SENP2: variants seen among roughly 807,000 people sequenced by gnomAD.
The protein encoded by SENP2 is sentrin-specific protease 2.
In SENP2, 16 loss-of-function variants were observed where a neutral mutation model predicts 86.3. The ratio of observed to expected loss-of-function variants is 0.19; its 90% CI spans 0.13 to 0.28. The LOEUF is 0.28. Among genes scored for constraint, SENP2 ranks in the 10% least tolerant of loss-of-function variants. The pLI is 1.00. For synonymous variants in SENP2, 222 were observed against 238.7 expected (o/e 0.93, Z 0.64); for missense variants, 552 against 703.0 (o/e 0.79, Z 2.43).
In SENP2 at chr3:185,621,846, G is replaced by C; in HGVS notation, c.1467G>C (p.Lys489Asn). Residue 489 changes from lysine (K) to asparagine (N), a missense_variant, in exon 14 of 17, where the codon AAG (lysine) becomes AAC (asparagine). This residue lies in a region of SENP2 where 169 missense variants were observed against 275.7 expected (regional missense o/e 0.61). Transcript: ENST00000296257. ...TATAGGTGATTGACCTAAGAAAAAA[G>C]TGTCTTAAATATCTGGATTCTATGG... ...WSLVVIDLRK[K>N]CLKYLDSMGQ... 1.2e-6 allele frequency: 2 copies of C among 1,608,240 alleles called. No homozygotes were observed. Among genetic ancestry groups the C allele is most frequent in the Non-Finnish European group, 1.7e-6 (2 of 1,175,322 alleles).
chr3:185,621,938 G>C (rs373638583), intron 14 of SENP2, 33 bp downstream of exon 14: 167 of 1,376,248 alleles, frequency 1.2e-4, no homozygotes, highest in Non-Finnish European at 1.7e-4. Context: ...ACTACCCCCT[G>C]TTGAGGTGAT....
At chr3:185,625,017 TGTA>T (rs1310245766) in intron 15 of SENP2, among the ~76,000 whole-genome samples, 2 of 152,162 alleles carry the variant, frequency 1.3e-5, no homozygotes, top group Non-Finnish European at 2.9e-5. Flanking sequence ...CTTTGTATAT[TGTA>T]GTCTCTAGTT....
intron 2 of SENP2, among the ~76,000 whole-genome samples, chr3:185,593,070 A>G (rs1437207800): frequency 2.3e-4 from 35 of 152,232 alleles, no homozygotes; most frequent in Non-Finnish European, 2.9e-5. Context: ...GTCTCAGTAA[A>G]TGTTTGCGGG....
intron 16 of SENP2, among the ~76,000 whole-genome samples, chr3:185,628,285 T>C (rs1404779702): frequency 6.6e-6 from 1 of 152,054 alleles, no homozygotes; most frequent in Admixed American, 6.5e-5. Context: ...TACAGGCATG[T>C]ACCACCATGC....
At chr3:185,615,895 G>A (rs1244455117) in intron 11 of SENP2, among the ~76,000 whole-genome samples, 2 of 151,168 alleles carry the variant, frequency 1.3e-5, no homozygotes, top group Admixed American at 1.3e-4. Flanking sequence ...ATAGAGTCTC[G>A]CTCTGTTGGC....
chr3:185,605,191 G>C (rs1722472343), intron 5 of SENP2, among the ~76,000 whole-genome samples: 1 of 151,388 alleles, frequency 6.6e-6, no homozygotes, highest in Admixed American at 6.6e-5. Flanking sequence ...CCAACATGGT[G>C]AAACCCCATC....
Position 185,598,985 on chromosome 3 carries a change from C to A in SENP2, c.319C>A (p.Leu107Met), listed in dbSNP as rs751384249. 3 of 1,613,142 alleles carry A rather than the reference C, an allele frequency of 1.9e-6. No individual in the cohort carries two copies. The Admixed American group carries it at 5.0e-5, about 27-fold the overall frequency. The change falls in exon 4 of 17, where the codon CTG (leucine) becomes ATG (methionine). Residue 107 changes from leucine to methionine, a missense_variant. Leu to Met is a conservative substitution (Grantham distance 15, BLOSUM62 2). Around this residue, in one of 2 missense-constraint regions of SENP2, gnomAD observed 383 missense variants for 427.3 expected, o/e 0.90. Coordinates refer to ENST00000296257, the MANE Select transcript of SENP2 (RefSeq NM_021627.3). ...ATTTTCGAACTCTTCATCTTGTGAA[C>A]TGACAGGTTCTGGATCCTGGAACAA... is the stretch of plus-strand genomic sequence containing the variant. ...EVFSNSSSCE[L>M]TGSGSWNNML...
intron 14 of SENP2, among the ~76,000 whole-genome samples, chr3:185,622,791 A>C (rs980065288): frequency 6.6e-6 from 1 of 150,624 alleles, no homozygotes; most frequent in Non-Finnish European, 1.5e-5. Flanking sequence ...CCAGGATTTG[A>C]AAATTCATAC....
At chr3:185,613,832 A>G (rs997604659) in intron 10 of SENP2, among the ~76,000 whole-genome samples, 1 of 151,152 alleles carries the variant, frequency 6.6e-6, no homozygotes, top group Non-Finnish European at 1.5e-5. Context: ...TGTCTCAAAA[A>G]AAAAAAAAAA....
Position 185,586,312 on chromosome 3 carries a change from C to T in SENP2, c.-102C>T. On this transcript the variant is annotated 5_prime_UTR_variant, in exon 1 of 17. Transcript: ENST00000296257. The surrounding 1 kb of genome is among the most constrained non-coding windows in gnomAD (Gnocchi z 4.3). ...ATCGCGTCACAAATCAGCGACCGAA[C>T]TCTGGCGGTGGTGGTTAAGACGGCG... is the stretch of plus-strand genomic sequence containing the variant. 6.4e-7 allele frequency: 1 copy of T among 1,573,446 alleles called. No individual in the cohort carries two copies.
Position 185,617,527 on chromosome 3 carries a change from T to G in SENP2, c.1158T>G (p.Asp386Glu). 2 of 1,613,890 alleles carry G rather than the reference T, an allele frequency of 1.2e-6. No homozygotes were observed. The highest frequency in any genetic ancestry group is 1.1e-5 in the South Asian group (1 of 91,058). The part of the protein sequence containing the change: ...ISNALGHGPQ[D>E]EILSSAFKLR... ...ATGCCCTAGGCCATGGCCCACAGGA[T>G]GAAATCCTAAGTAGTGCTTTCAAAT... The change falls in exon 12 of 17, where the codon GAT becomes GAG. Residue 386 changes from aspartate to glutamate, a missense_variant. By Grantham distance (45) the Asp-to-Glu change is conservative. Coordinates refer to ENST00000296257, the MANE Select transcript of SENP2 (RefSeq NM_021627.3).
Position 185,629,928 on chromosome 3 carries a change from C to A in SENP2, c.*84C>A. On this transcript the variant is annotated 3_prime_UTR_variant, in exon 17 of 17. Transcript: ENST00000296257. ...CCTCATGCATTGTGGGTTAAAAAGT[C>A]CCTGCATCACTTCTGTTCTCACAGG... is the stretch of plus-strand genomic sequence containing the variant. 7.5e-7 allele frequency: 1 copy of A among 1,327,104 alleles called. No homozygotes were observed. The highest frequency in any genetic ancestry group is 1.1e-6 in the Non-Finnish European group (1 of 924,526). The allele number at this position is 1,327,104 out of a possible 1,614,324, so 82.2% of individuals were successfully genotyped here.
intron 1 of SENP2, among the ~76,000 whole-genome samples, chr3:185,587,135 T>G (rs1721810391): frequency 6.6e-6 from 1 of 152,226 alleles, no homozygotes; most frequent in South Asian, 2.1e-4. Context: ...TTTCTTTTTT[T>G]CTTTTTCTTT....
intron 2 of SENP2, among the ~76,000 whole-genome samples, chr3:185,592,573 G>C (rs1408924028): frequency 6.6e-6 from 1 of 151,276 alleles, no homozygotes; most frequent in Non-Finnish European, 1.5e-5. Flanking sequence ...GCTAACCAAT[G>C]TGTTAGGTTT....
intron 4 of SENP2, among the ~76,000 whole-genome samples, chr3:185,599,273 T>TA (rs923355803): frequency 1.5e-4 from 22 of 151,434 alleles, no homozygotes; most frequent in Admixed American, 4.0e-4. Flanking sequence ...TTCATTCATT[T>TA]AAAAAAAAAC....
intron 16 of SENP2, among the ~76,000 whole-genome samples, chr3:185,629,130 A>C (rs942277976): frequency 2.0e-5 from 3 of 152,220 alleles, no homozygotes; most frequent in Admixed American, 1.3e-4. Flanking sequence ...TCATAAAAAA[A>C]CAGAATATGT....
At chr3:185,589,031 TA>T (rs985500609) in intron 1 of SENP2, among the ~76,000 whole-genome samples, 1 of 152,100 alleles carries the variant, frequency 6.6e-6, no homozygotes, top group African/African-American at 2.4e-5. Context: ...TTGGAATGTA[TA>T]AAGTTATGAG....
At chr3:185,599,160 A>G (rs972617053) in intron 4 of SENP2, 136 bp downstream of exon 4, 1 of 629,040 alleles carries the variant, frequency 1.6e-6, no homozygotes, top group Non-Finnish European at 2.8e-6. Flanking sequence ...TCTAAAAAGC[A>G]AATAGCTTTT....
chr3:185,624,628 C>A (rs1712056604), intron 15 of SENP2, among the ~76,000 whole-genome samples: 2 of 152,116 alleles, frequency 1.3e-5, no homozygotes, highest in East Asian at 1.9e-4. Context: ...GTAATCCCAG[C>A]ACTTTGGGAG....
Sources: allele counts gnomAD v4.1 joint callset (sites outside exome capture counted in the v4.1 genomes callset), GRCh38; gene constraint gnomAD v4.1.1; regional missense constraint gnomAD v4.1.1; non-coding constraint Gnocchi (gnomAD v3.1); transcripts MANE v1.5; gene names NCBI Gene and HGNC (gene_info 2026-07-23, HGNC 2026-07-21).